The following NSUN3 variants were observed in gnomAD, a reference collection of about 807,000 sequenced individuals.
NSUN3 encodes the protein NOP2/Sun RNA methyltransferase 3.
In NSUN3, 24 loss-of-function variants were observed where a neutral mutation model predicts 36.8. The ratio of observed to expected loss-of-function variants is 0.65; its 90% CI spans 0.47 to 0.92. The LOEUF is 0.92. NSUN3 is among the 40% of genes least tolerant of loss of function. The probability of loss-of-function intolerance (pLI) is 0.00; values close to 1 mark genes in which losing one functional copy is unlikely to be tolerated. For synonymous variants in NSUN3, 146 were observed against 145.2 expected (o/e 1.01, Z -0.04); for missense variants, 381 against 392.8 (o/e 0.97, Z 0.25).
At chr3:94,123,405 G>A (rs2077472469) in intron 5 of NSUN3, among the ~76,000 whole-genome samples, 1 of 152,160 alleles carries the variant, frequency 6.6e-6, no homozygotes, top group Non-Finnish European at 1.5e-5. Flanking sequence ...GCTGCAAATA[G>A]AATTCACTTT....
At chr3:94,126,007 C>T (rs1202716228) in intron 5 of NSUN3, among the ~76,000 whole-genome samples, 1 of 151,880 alleles carries the variant, frequency 6.6e-6, no homozygotes, top group African/African-American at 2.4e-5. Flanking sequence ...TCGCAGTGAG[C>T]CGAGATGGCA....
At chr3:94,087,423 A>G (rs1313839703) in intron 3 of NSUN3, among the ~76,000 whole-genome samples, 1 of 152,236 alleles carries the variant, frequency 6.6e-6, no homozygotes, top group Non-Finnish European at 1.5e-5. Flanking sequence ...ATTTAAAAAA[A>G]AGAGTCTACT....
intron 5 of NSUN3, among the ~76,000 whole-genome samples, chr3:94,098,854 G>T (rs749485128): frequency 8.5e-5 from 13 of 152,070 alleles, no homozygotes; most frequent in Non-Finnish European, 1.9e-4. Context: ...GGTGGATATT[G>T]TCCTCATGTC....
rs564964320 is a variant in NSUN3, at chr3:94,106,453, G to A, written c.743+11299G>A. On this transcript the variant is annotated intron_variant, in intron 5 of 5. Transcript: ENST00000314622. ...TCTAGAAATTTGATTACTTAACTGTGAGCACAGTGAAGGCTACCCTCAGGC... is the reference window on the plus strand; with the variant it reads ...TCTAGAAATTTGATTACTTAACTGTAAGCACAGTGAAGGCTACCCTCAGGC... Among the ~76,000 whole-genome samples, 136 of 152,200 alleles carry A rather than the reference G, an allele frequency of 8.9e-4. 1 individual carries two copies. Among genetic ancestry groups the A allele is most frequent in the African/African-American group, 3.1e-3 (130 of 41,520 alleles).
At chr3:94,077,446 G>A (rs2077251301) in intron 2 of NSUN3, among the ~76,000 whole-genome samples, 1 of 152,190 alleles carries the variant, frequency 6.6e-6, no homozygotes, top group African/African-American at 2.4e-5. Context: ...GATTATGCTG[G>A]CCTCATAAAA....
At chr3:94,081,014 G>A (rs555663197) in intron 2 of NSUN3, among the ~76,000 whole-genome samples, 12 of 152,308 alleles carry the variant, frequency 7.9e-5, no homozygotes, top group African/African-American at 2.6e-4. Context: ...CCAATTTTGT[G>A]CTTGAAACCC....
rs2077492017 is a variant in NSUN3 at position 94,127,414 on chromosome 3, A to G, written c.*924A>G. 6.6e-6 allele frequency: 1 copy of G among 152,194 alleles called. No individual in the cohort carries two copies. Among genetic ancestry groups the G allele is most frequent in the African/African-American group, 2.4e-5 (1 of 41,446 alleles). The allele number at this position is 152,194 out of a possible 1,614,324, so 9.4% of individuals were successfully genotyped here. A position where few individuals can be genotyped will look rare whatever the true frequency, so the allele number is the denominator to read the frequency against. On this transcript the variant is annotated 3_prime_UTR_variant, in exon 6 of 6. Transcript: ENST00000314622. The stretch of plus-strand genomic sequence containing the variant: ...AAATGTTCTCTGAGAATATGATGCC[A>G]CATATTAATGCACAAGAGGGAGATG...
chr3:94,065,863 T>C (rs2077202378), intron 2 of NSUN3, among the ~76,000 whole-genome samples: 1 of 152,200 alleles, frequency 6.6e-6, no homozygotes, highest in African/African-American at 2.4e-5. Context: ...CAAACACTTA[T>C]TGCATGTTTA....
intron 5 of NSUN3, among the ~76,000 whole-genome samples, chr3:94,110,727 T>C (rs1436947195): frequency 1.3e-5 from 2 of 151,078 alleles, no homozygotes; most frequent in Non-Finnish European, 2.9e-5. Context: ...AGTGGAGATA[T>C]ACATGTATAC....
intron 5 of NSUN3, among the ~76,000 whole-genome samples, chr3:94,096,571 T>A (rs1439181589): frequency 6.6e-6 from 1 of 152,148 alleles, no homozygotes; most frequent in Non-Finnish European, 1.5e-5. Flanking sequence ...TGATCCCCGC[T>A]CACTCCAACA....
chr3:94,072,526 GA>G (rs2077228122), intron 2 of NSUN3, among the ~76,000 whole-genome samples: 1 of 152,190 alleles, frequency 6.6e-6, no homozygotes, highest in Non-Finnish European at 1.5e-5. Flanking sequence ...GTGGTAAGTG[GA>G]AAGACTTCGT....
intron 1 of NSUN3, 56 bp downstream of exon 1, chr3:94,063,194 G>C: frequency 6.3e-7 from 1 of 1,583,044 alleles, no homozygotes; most frequent in Non-Finnish European, 8.7e-7. Context: ...TTCTGGACGC[G>C]GCCGAGGTGG....
chr3:94,079,598 C>T (rs2077260067), intron 2 of NSUN3, among the ~76,000 whole-genome samples: 1 of 152,108 alleles, frequency 6.6e-6, no homozygotes, highest in East Asian at 1.9e-4. Context: ...CACATAGTCC[C>T]ATATTTCTTG....
intron 3 of NSUN3, among the ~76,000 whole-genome samples, chr3:94,090,487 A>G (rs1270902081): frequency 6.6e-6 from 1 of 152,168 alleles, no homozygotes; most frequent in Non-Finnish European, 1.5e-5. Flanking sequence ...ATTCATTATT[A>G]TAATGCCATG....
intron 5 of NSUN3, among the ~76,000 whole-genome samples, chr3:94,119,166 T>A (rs932219342): frequency 6.6e-6 from 1 of 152,150 alleles, no homozygotes; most frequent in Non-Finnish European, 1.5e-5. Flanking sequence ...ATTTAGGTAC[T>A]TAGATTTTAG....
intron 5 of NSUN3, among the ~76,000 whole-genome samples, chr3:94,096,748 C>T (rs2077342727): frequency 6.6e-6 from 1 of 152,158 alleles, no homozygotes; most frequent in Admixed American, 6.5e-5. Flanking sequence ...GATCTGCCCG[C>T]CTTGGCCTCC....
chr3:94,075,263 C>A (rs201500697), intron 2 of NSUN3, among the ~76,000 whole-genome samples: 15 of 149,810 alleles, frequency 1.0e-4, no homozygotes, highest in Non-Finnish European at 1.5e-4. Flanking sequence ...AACAAACAAA[C>A]AAAAAAAAGC....
chr3:94,083,771 G>A (rs939829570), intron 2 of NSUN3, among the ~76,000 whole-genome samples: 1 of 152,076 alleles, frequency 6.6e-6, no homozygotes, highest in African/African-American at 2.4e-5. Context: ...TTTAGTTCTC[G>A]GAAGTCAGTA....
intron 5 of NSUN3, 32 bp downstream of exon 5, chr3:94,095,186 G>A (rs1393138203): frequency 2.4e-5 from 39 of 1,604,520 alleles, no homozygotes; most frequent in Non-Finnish European, 3.1e-5. Context: ...GTGTATTTTG[G>A]TGTCTGATGT....
Sources: gnomAD v4.1 joint callset for allele counts (sites outside exome capture counted in the v4.1 genomes callset) on GRCh38, gnomAD v4.1.1 for gene constraint, MANE v1.5 for transcripts, NCBI Gene and HGNC (gene_info 2026-07-23, HGNC 2026-07-21) for gene names.